F13A1: variants seen among roughly 807,000 people sequenced by gnomAD.
F13A1 encodes coagulation factor XIII A chain.
Under a neutral mutation model 80.1 loss-of-function variants are expected in F13A1, and 47 were observed. The ratio of observed to expected loss-of-function variants is 0.59; its 90% CI spans 0.46 to 0.75. The LOEUF is 0.75. F13A1 is among the 30% of genes least tolerant of loss of function. The pLI, the probability that F13A1 is intolerant of heterozygous loss-of-function variation, is 0.00. For synonymous variants in F13A1, 349 were observed against 344.9 expected, an observed-to-expected ratio of 1.01 and a Z score of -0.13; for missense variants, 817 against 930.4, an observed-to-expected ratio of 0.88 and a Z score of 1.59.
rs3024478 is a variant in F13A1 at position 6,249,952 on chromosome 6, G to A, written c.690+859C>T. On this transcript the variant is annotated intron_variant, in intron 5 of 14. Coordinates refer to ENST00000264870, the MANE Select transcript of F13A1 (RefSeq NM_000129.4). ...CAAAGCCAGGTAGGCAGGATAACAC[G>A]GGTACTGGAGCAGTGGGTAAGGAAC... Among the ~76,000 whole-genome samples the A allele has an allele frequency of 5.0e-3, 756 of 152,226 alleles. 2 individuals carry two copies. The highest frequency in any genetic ancestry group is 7.3e-3 in the Non-Finnish European group (494 of 68,008).
chr6:6,215,263 T>C (rs1299581162), intron 8 of F13A1, among the ~76,000 whole-genome samples: 1 of 128,538 alleles, frequency 7.8e-6, no homozygotes, highest in Admixed American at 7.8e-5. Context: ...TTGATGAACA[T>C]TGATGCAAAA....
chr6:6,269,837 C>T (rs1757897398), intron 3 of F13A1, among the ~76,000 whole-genome samples: 1 of 152,042 alleles, frequency 6.6e-6, no homozygotes, highest in Non-Finnish European at 1.5e-5. Context: ...CCTCAGCCTC[C>T]CTAGTAGCTG....
At chr6:6,314,574 A>G (rs1758653922) in intron 2 of F13A1, among the ~76,000 whole-genome samples, 2 of 152,070 alleles carry the variant, frequency 1.3e-5, no homozygotes. Context: ...AGCCCTCCTC[A>G]TCCTCTTCCC....
chr6:6,207,247 G>A (rs1162734856), intron 8 of F13A1, among the ~76,000 whole-genome samples: 2 of 152,064 alleles, frequency 1.3e-5, no homozygotes, highest in Non-Finnish European at 2.9e-5. Flanking sequence ...GAGAAAATGA[G>A]TTTTGAACAC....
chr6:6,183,036 C>G (rs377452111), intron 10 of F13A1, among the ~76,000 whole-genome samples: 6 of 152,164 alleles, frequency 3.9e-5, no homozygotes, highest in Non-Finnish European at 5.9e-5. Context: ...CTTTACTATT[C>G]TACTTTCTAG....
chr6:6,294,598 C>A (rs1457629817), intron 3 of F13A1, among the ~76,000 whole-genome samples: 1 of 149,266 alleles, frequency 6.7e-6, no homozygotes, highest in Non-Finnish European at 1.5e-5. Context: ...ATATATATAT[C>A]CTATTAGGTC....
At position 6,313,177 on chromosome 6, in the gene F13A1, C is replaced by T. The variant is rs1287574445; in HGVS notation, c.130+5358G>A. Among the ~76,000 whole-genome samples, 3 of 151,788 alleles carry T rather than the reference C, an allele frequency of 2.0e-5. No homozygotes were observed. In the East Asian group the frequency reaches 5.8e-4, roughly 29 times the overall value. On this transcript the variant is annotated intron_variant, in intron 2 of 14. Coordinates refer to ENST00000264870, the MANE Select transcript of F13A1 (RefSeq NM_000129.4). The stretch of plus-strand genomic sequence containing the variant: ...ACAAGGCAGTTTAGATGGAAAAAGT[C>T]TTATCATCATCCAGACTCCGTTTGC...
At chr6:6,254,505 G>A (rs1351233486) in intron 4 of F13A1, among the ~76,000 whole-genome samples, 4 of 152,242 alleles carry the variant, frequency 2.6e-5, no homozygotes, top group South Asian at 2.1e-4. Flanking sequence ...GTGAGAAAAT[G>A]AGGTACAGAG....
In F13A1 at chr6:6,167,340, TTTTTTTG is replaced by T; in HGVS notation, c.1908+111_1908+117del. On this transcript the variant is annotated intron_variant, in intron 13 of 14. Transcript: ENST00000264870. ...TAGCACTGGTATTTTTTTTTTTTTTTTTTTTTGAGCAGGACATTCATTCACACACACA... is the reference window on the plus strand; with the variant it reads ...TAGCACTGGTATTTTTTTTTTTTTTTAGCAGGACATTCATTCACACACACA... 9 of 905,456 alleles carry T rather than the reference TTTTTTTG, an allele frequency of 9.9e-6. No homozygotes were observed. In the Admixed American group the frequency reaches 1.3e-4, roughly 13 times the overall value. The allele number at this position is 905,456 out of a possible 1,614,324, so 56.1% of individuals were successfully genotyped here.
intron 8 of F13A1, among the ~76,000 whole-genome samples, chr6:6,212,414 G>A (rs145651540): frequency 0.021 from 3,137 of 152,240 alleles, 99 homozygotes; most frequent in African/African-American, 0.07. Flanking sequence ...CCCCAGCAGG[G>A]GCACACTGAC....
intron 13 of F13A1, among the ~76,000 whole-genome samples, chr6:6,165,537 G>A (rs533823471): frequency 2.6e-5 from 4 of 152,246 alleles, no homozygotes; most frequent in African/African-American, 7.2e-5. Context: ...AATTAGGTAC[G>A]CACACAGGCC....
At chr6:6,161,543 TGTGTGTGTGA>T (rs1457375096) in intron 13 of F13A1, among the ~76,000 whole-genome samples, 1 of 151,074 alleles carries the variant, frequency 6.6e-6, no homozygotes, top group African/African-American at 2.4e-5. Flanking sequence ...TGTGTGTGTG[TGTGTGTGTGA>T]GAGAGAGAGA....
chr6:6,230,390 C>T (rs930633800), intron 6 of F13A1, among the ~76,000 whole-genome samples: 1 of 152,092 alleles, frequency 6.6e-6, no homozygotes, highest in Non-Finnish European at 1.5e-5. Context: ...TACACAGCTC[C>T]AGTGACCTAG....
At position 6,182,160 on chromosome 6, in the gene F13A1, A is replaced by G. The variant is rs202227977; in HGVS notation, c.1306-19T>C. 3.1e-5 allele frequency: 50 copies of G among 1,613,532 alleles called. 1 individual carries two copies. In the Middle Eastern group the frequency reaches 8.2e-4, roughly 27 times the overall value. ...TGTTGACCTGGAAACAGGAGAGGAG[A>G]GCATTAGCCATCATCACATGTCTGC... is the stretch of plus-strand genomic sequence containing the variant. On this transcript the variant is annotated intron_variant, in intron 10 of 14. Coordinates refer to ENST00000264870, the MANE Select transcript of F13A1 (RefSeq NM_000129.4).
rs1224780206 is a variant in F13A1, at chr6:6,243,377, C to G, written c.798+4935G>C. On this transcript the variant is annotated intron_variant, in intron 6 of 14. Transcript: ENST00000264870. This position sits in a 1 kb window ranked among gnomAD's most constrained non-coding sequence, Gnocchi z 4.2. Reference sequence around the variant, plus strand: ...CTCTATCACCACCACCACCAAACACCACCACCATTATCATATCATATTTGG... The same window carrying G: ...CTCTATCACCACCACCACCAAACACGACCACCATTATCATATCATATTTGG... Among the ~76,000 whole-genome samples the G allele has an allele frequency of 2.6e-5, 4 of 152,078 alleles. No individual in the cohort carries two copies. Among genetic ancestry groups the G allele is most frequent in the Admixed American group, 6.6e-5 (1 of 15,264 alleles).
At chr6:6,200,686 A>G (rs2151083676) in intron 8 of F13A1, among the ~76,000 whole-genome samples, 1 of 152,196 alleles carries the variant, frequency 6.6e-6, no homozygotes, top group African/African-American at 2.4e-5. Context: ...TTCATGGAGG[A>G]ATGGAGGAAG....
chr6:6,182,822 A>C (rs1275086319), intron 10 of F13A1, among the ~76,000 whole-genome samples: 3 of 152,188 alleles, frequency 2.0e-5, no homozygotes, highest in Non-Finnish European at 4.4e-5. Context: ...TTCTTATATG[A>C]GAAAATCAGT....
At position 6,243,654 on chromosome 6, in the gene F13A1, G is replaced by A. The variant is rs1757516616; in HGVS notation, c.798+4658C>T. On this transcript the variant is annotated intron_variant, in intron 6 of 14. Transcript: ENST00000264870. The surrounding 1 kb of genome is among the most constrained non-coding windows in gnomAD (Gnocchi z 4.2). ...TGATCTGAGAGTAAGGACCATATCT[G>A]GTTTCAGCTCAGCCACTTATTTGCT... Among the ~76,000 whole-genome samples the A allele has an allele frequency of 6.6e-6, 1 of 152,182 alleles. No homozygotes were observed. The highest frequency in any genetic ancestry group is 2.4e-5 in the African/African-American group (1 of 41,448).
chr6:6,272,829 T>C (rs1024562234), intron 3 of F13A1, among the ~76,000 whole-genome samples: 1 of 152,222 alleles, frequency 6.6e-6, no homozygotes, highest in Non-Finnish European at 1.5e-5. Flanking sequence ...TATGCTTTGA[T>C]ATACTCACAC....
Sources: allele counts gnomAD v4.1 joint callset (sites outside exome capture counted in the v4.1 genomes callset), GRCh38; gene constraint gnomAD v4.1.1; non-coding constraint Gnocchi (gnomAD v3.1); transcripts MANE v1.5; gene names NCBI Gene and HGNC (gene_info 2026-07-23, HGNC 2026-07-21).